Variants in SLA observed in about 807,000 individuals in gnomAD.
SLA encodes the protein src-like-adapter.
SLA carries 16 observed loss-of-function variants against 30.3 expected under a neutral mutation model. The observed-to-expected ratio is 0.53, with a 90% CI of 0.36 to 0.80. The LOEUF (loss-of-function observed/expected upper bound fraction) is 0.80, where lower values mean the gene tolerates loss of function less well. SLA is among the 30% of genes least tolerant of loss of function. SLA has a pLI of 0.01. For synonymous variants in SLA, 143 were observed against 137.8 expected (o/e 1.04, Z -0.26); for missense variants, 310 against 345.2 (o/e 0.90, Z 0.81).
intron 5 of SLA, chr8:133,049,674 G>A: frequency 3.7e-6 from 2 of 534,282 alleles, no homozygotes; most frequent in East Asian, 3.3e-5. Context: ...AGAGCTGAAA[G>A]GTCCAACTTC....
At chr8:133,054,883 T>C (rs1351053636) in intron 3 of SLA, among the ~76,000 whole-genome samples, 8 of 152,206 alleles carry the variant, frequency 5.3e-5, no homozygotes, top group Non-Finnish European at 1.2e-4. Context: ...TCTTTGGTGC[T>C]GCATGACCAT....
chr8:133,094,263 TGGA>T (rs1848067515), intron 1 of SLA, among the ~76,000 whole-genome samples: 1 of 144,046 alleles, frequency 6.9e-6, no homozygotes. Context: ...TTTTTTTTGA[TGGA>T]GTCTTGCTCT....
At chr8:133,088,138 A>G (rs1307532507) in intron 1 of SLA, among the ~76,000 whole-genome samples, 1 of 152,186 alleles carries the variant, frequency 6.6e-6, no homozygotes, top group African/African-American at 2.4e-5. Flanking sequence ...ATGTGAATCA[A>G]AGCAACTTGG....
chr8:133,078,198 T>C (rs4736431), intron 1 of SLA, among the ~76,000 whole-genome samples: 38,989 of 152,098 alleles, frequency 0.26, 5,307 homozygotes, highest in African/African-American at 0.31. Context: ...AGGAACTGGT[T>C]TGTGGTCTGT....
chr8:133,051,091 G>A (rs899202085), intron 3 of SLA, among the ~76,000 whole-genome samples, 176 bp from the exon 4 acceptor site: 4 of 152,224 alleles, frequency 2.6e-5, no homozygotes, highest in African/African-American at 9.6e-5. Flanking sequence ...TCTGCAGGGT[G>A]TGCGTACGAG....
At chr8:133,079,468 T>G (rs920048053) in intron 1 of SLA, among the ~76,000 whole-genome samples, 6 of 152,138 alleles carry the variant, frequency 3.9e-5, no homozygotes, top group African/African-American at 1.4e-4. Context: ...GTTGTTATAT[T>G]TCTCCAACAT....
rs572664813 is a variant in SLA, at chr8:133,050,843, C to A, written c.134G>T (p.Arg45Leu). Residue 45 changes from arginine (R) to leucine (L), a missense_variant, in exon 4 of 9, where the codon CGA becomes CTA. By Grantham distance (102) the Arg-to-Leu change is moderately radical (BLOSUM62 -2). Transcript: ENST00000338087. ...AGAAATCACACGCAGTTTCTCCCCT[C>A]GGCGGAATATCGGGGGGCTGATGTC... ...SPDISPPIFRRGEKLRVISDE... is the reference protein window; with the variant it reads ...SPDISPPIFRLGEKLRVISDE... The A allele has an allele frequency of 2.4e-5, 39 of 1,612,914 alleles. 2 individuals carry two copies. The South Asian group carries it at 4.1e-4, about 17-fold the overall frequency.
chr8:133,074,833 G>T lies in SLA; in HGVS notation c.-41+20C>A. ...TGAAGTCTCTCCCCACCCCATCTCTGCCACATACTCCCAAAATACCTTCAC... is the reference window on the plus strand; with the variant it reads ...TGAAGTCTCTCCCCACCCCATCTCTTCCACATACTCCCAAAATACCTTCAC... On this transcript the variant is annotated intron_variant, in intron 2 of 8. Transcript: ENST00000338087. 1 of 985,110 alleles carries T rather than the reference G, an allele frequency of 1.0e-6. No homozygotes were observed. The highest frequency in any genetic ancestry group is 1.2e-6 in the Non-Finnish European group (1 of 829,644). The allele number at this position is 985,110 out of a possible 1,614,324, so 61.0% of individuals were successfully genotyped here.
chr8:133,060,460 C>T (rs1236557926), intron 2 of SLA: 2 of 1,176,990 alleles, frequency 1.7e-6, no homozygotes, highest in African/African-American at 1.6e-5. Context: ...TTCCATTCCT[C>T]CGCACCCTTG....
intron 1 of SLA, among the ~76,000 whole-genome samples, chr8:133,083,041 G>A (rs1045535707): frequency 3.3e-5 from 5 of 152,212 alleles, no homozygotes; most frequent in South Asian, 2.1e-4. Context: ...GAGGGAGAGC[G>A]ATGAGTAGGC....
intron 1 of SLA, among the ~76,000 whole-genome samples, chr8:133,098,055 C>G (rs1284379010): frequency 6.6e-6 from 1 of 152,124 alleles, no homozygotes; most frequent in Non-Finnish European, 1.5e-5. Context: ...TGTACCTGAT[C>G]CATTTCAACA....
At chr8:133,052,407 T>A (rs1043823509) in intron 3 of SLA, among the ~76,000 whole-genome samples, 1 of 152,158 alleles carries the variant, frequency 6.6e-6, no homozygotes, top group African/African-American at 2.4e-5. Context: ...AGAGTGATCT[T>A]TAGTGGCTTT....
Position 133,038,212 on chromosome 8 carries a change from T to C in SLA, c.*312A>G. 5.3e-6 allele frequency: 2 copies of C among 375,938 alleles called. No individual in the cohort carries two copies. Among genetic ancestry groups the C allele is most frequent in the Non-Finnish European group, 5.0e-6 (1 of 201,328 alleles). 23.3% of individuals were successfully genotyped at this position (375,938 alleles called of 1,614,324 possible). ...TGGAGAGCAGTCCTGGTGCCCTTTC[T>C]TGTGAGAGTGGCTTTGTCCTTCCCA... On this transcript the variant is annotated 3_prime_UTR_variant, in exon 9 of 9. Transcript: ENST00000338087.
chr8:133,094,945 A>T (rs1848178377), intron 1 of SLA: 5 of 1,554,328 alleles, frequency 3.2e-6, no homozygotes, highest in Non-Finnish European at 4.4e-6. Context: ...CCAAGCTTGG[A>T]GGAAGGATGC....
chr8:133,058,216 AGG>A (rs2131307365), intron 3 of SLA, among the ~76,000 whole-genome samples: 1 of 152,328 alleles, frequency 6.6e-6, no homozygotes, highest in African/African-American at 2.4e-5. Context: ...AAACAACGTT[AGG>A]ACCAATGATC....
intron 2 of SLA, among the ~76,000 whole-genome samples, chr8:133,071,865 G>C (rs557438951): frequency 6.6e-5 from 10 of 152,148 alleles, no homozygotes; most frequent in Non-Finnish European, 8.8e-5. Context: ...TCTTAGGATA[G>C]GGTTCATGTC....
chr8:133,053,399 C>T (rs1276488180), intron 3 of SLA, among the ~76,000 whole-genome samples: 2 of 152,200 alleles, frequency 1.3e-5, no homozygotes, highest in Admixed American at 6.5e-5. Flanking sequence ...AGCAGGCTTA[C>T]TGAATGTGCA....
Position 133,102,599 on chromosome 8 carries a change from T to G in SLA, c.-365A>C, listed in dbSNP as rs1445397966. On this transcript the variant is annotated 5_prime_UTR_variant, in exon 1 of 9. Transcript: ENST00000338087. Reference sequence around the variant, plus strand: ...TGAGATGTTCTCCATTCGCAGCAAATGATCTTATTTTCTGAAGTAGCAGCT... The same window carrying G: ...TGAGATGTTCTCCATTCGCAGCAAAGGATCTTATTTTCTGAAGTAGCAGCT... The G allele has an allele frequency of 1.9e-6, 3 of 1,549,506 alleles. No homozygotes were observed. Among genetic ancestry groups the G allele is most frequent in the Non-Finnish European group, 2.6e-6 (3 of 1,145,070 alleles).
chr8:133,064,801 T>TGGGACAGTGTCCC (rs764043145), intron 2 of SLA, among the ~76,000 whole-genome samples: 145 of 152,342 alleles, frequency 9.5e-4, no homozygotes, highest in Middle Eastern at 3.4e-3. Flanking sequence ...CTTCCATTCC[T>TGGGACAGTGTCCC]GGGACAGTGT....
Sources: allele counts gnomAD v4.1 joint callset (sites outside exome capture counted in the v4.1 genomes callset), GRCh38; gene constraint gnomAD v4.1.1; transcripts MANE v1.5; gene names NCBI Gene and HGNC (gene_info 2026-07-23, HGNC 2026-07-21).